COL5A2: variants seen among roughly 807,000 people sequenced by gnomAD.
The protein encoded by COL5A2 is collagen alpha-2(V) chain.
Under a neutral mutation model 208.2 loss-of-function variants are expected in COL5A2, and 23 were observed. That is an observed-to-expected ratio of 0.11 (90% CI 0.08 to 0.16). The LOEUF (loss-of-function observed/expected upper bound fraction) is 0.16, where lower values mean the gene tolerates loss of function less well. Ranked by LOEUF, COL5A2 falls within the 10% of genes least tolerant of loss-of-function variation. COL5A2 has a pLI of 1.00. For missense variants in COL5A2, 1,590 were observed against 1,956.4 expected (o/e 0.81, Z 3.53); for synonymous variants, 625 against 628.5 (o/e 0.99, Z 0.08).
rs186201057 is a variant in COL5A2, at chr2:189,077,128, G to C, written c.1059+1388C>G. On this transcript the variant is annotated intron_variant, in intron 16 of 53. Transcript: ENST00000374866. ...GGTCCATCTAAAGTCACTTGGCCTA[G>C]AGAAGTGGCCCATTCCCCCCATTAA... Among the ~76,000 whole-genome samples, 479 of 152,192 alleles carry C rather than the reference G, an allele frequency of 3.1e-3. 5 individuals carry two copies. Among genetic ancestry groups the C allele is most frequent in the Admixed American group, 0.028 (431 of 15,268 alleles).
At chr2:189,113,410 G>C (rs887214557) in intron 1 of COL5A2, among the ~76,000 whole-genome samples, 1 of 151,988 alleles carries the variant, frequency 6.6e-6, no homozygotes, top group African/African-American at 2.4e-5. Context: ...TCCATCTTGA[G>C]CAACAGAGTG....
chr2:189,117,667 C>CA (rs1687419684), intron 1 of COL5A2, among the ~76,000 whole-genome samples: 1 of 151,846 alleles, frequency 6.6e-6, no homozygotes, highest in Non-Finnish European at 1.5e-5. Flanking sequence ...GTCACCTTAC[C>CA]AAAAAAATTG....
rs548766698 is a variant in COL5A2, at chr2:189,046,233, T to C, written c.3202-326A>G. On this transcript the variant is annotated intron_variant, in intron 45 of 53. Transcript: ENST00000374866. ...AGCACCAATCTTTAAGCTGGAATAT[T>C]GGTATACTTGGAATACACAAAGACT... 3.9e-5 allele frequency among the ~76,000 whole-genome samples: 6 copies of C among 152,286 alleles called. No homozygotes were observed. The East Asian group carries it at 1.2e-3, about 29-fold the overall frequency.
chr2:189,351,983 T>C, the COL5A2 span, among the ~76,000 whole-genome samples: 2 of 148,070 alleles, frequency 1.4e-5, no homozygotes, highest in African/African-American at 2.5e-5. Flanking sequence ...ACAGGCCCAG[T>C]GTGTGATGCT....
At chr2:189,239,191 T>C in the COL5A2 span, among the ~76,000 whole-genome samples, 2 of 152,050 alleles carry the variant, frequency 1.3e-5, no homozygotes, top group African/African-American at 2.4e-5. Context: ...TTCTGATTTT[T>C]TAAAGAGACT....
At chr2:189,203,295 C>T (rs1689101121) in intron 1 of COL5A2, among the ~76,000 whole-genome samples, 1 of 152,156 alleles carries the variant, frequency 6.6e-6, no homozygotes, top group South Asian at 2.1e-4. Context: ...CACCAGAACT[C>T]TAACTTATAA....
intron 11 of COL5A2, among the ~76,000 whole-genome samples, chr2:189,084,829 C>T (rs1490308648): frequency 6.6e-6 from 1 of 152,108 alleles, no homozygotes; most frequent in Non-Finnish European, 1.5e-5. Context: ...ATCAGAGCAA[C>T]ATATTTTTTC....
At chr2:189,188,685 G>A (rs1688884364) in intron 1 of COL5A2, among the ~76,000 whole-genome samples, 1 of 152,182 alleles carries the variant, frequency 6.6e-6, no homozygotes, top group African/African-American at 2.4e-5. Context: ...TAAGAAATGA[G>A]TGTGCTATGC....
At position 189,078,527 on chromosome 2, in the gene COL5A2, G is replaced by A. The variant is rs769039275; in HGVS notation, c.1048C>T (p.Gln350Ter). Reference protein sequence around the residue: ...MPGERGRLGPQGAPGQRGAHG... With the variant: ...MPGERGRLGP ...GCAGATATACTTACAGGAGCACCCT[G>A]TGGCCCAAGTCTCCCTCTCTCTCCT... Residue 350 changes from glutamine to a stop codon, truncating the protein, a stop_gained, in exon 16 of 54, where the codon CAG (glutamine) becomes TAG (stop). Transcript: ENST00000374866. LOFTEE classifies it high-confidence loss of function. 6.2e-7 allele frequency: 1 copy of A among 1,611,816 alleles called. No homozygotes were observed. Among genetic ancestry groups the A allele is most frequent in the African/African-American group, 1.3e-5 (1 of 74,844 alleles).
At chr2:189,246,848 T>C in the COL5A2 span, among the ~76,000 whole-genome samples, 1 of 152,142 alleles carries the variant, frequency 6.6e-6, no homozygotes, top group East Asian at 1.9e-4. Flanking sequence ...CCTGAAGAAG[T>C]GTTTGAAGCC....
chr2:189,068,864 C>A lies in COL5A2; in HGVS notation c.1179G>T (p.Gly393=). 3 of 1,612,814 alleles carry A rather than the reference C, an allele frequency of 1.9e-6. No homozygotes were observed. Among genetic ancestry groups the A allele is most frequent in the African/African-American group, 1.3e-5 (1 of 74,980 alleles). Reference sequence around the variant, plus strand: ...CCTGAGGACCTTCAGGGCCTCGCGCCCCTGTAGGACCTGCTTCTCCCTAAA... The same window carrying A: ...CCTGAGGACCTTCAGGGCCTCGCGCACCTGTAGGACCTGCTTCTCCCTAAA... ...PGMKGEAGPT[G]ARGPEGPQGQ... Residue 393 remains glycine, a synonymous_variant, in exon 19 of 54, where the codon GGG becomes GGT. Coordinates refer to ENST00000374866, the MANE Select transcript of COL5A2 (RefSeq NM_000393.5).
At chr2:189,330,042 A>G in the COL5A2 span, among the ~76,000 whole-genome samples, 1 of 152,236 alleles carries the variant, frequency 6.6e-6, no homozygotes, top group Non-Finnish European at 1.5e-5. Context: ...AACTTTTAAC[A>G]GTACTGTGTG....
chr2:189,329,237 C>T, the COL5A2 span, among the ~76,000 whole-genome samples: 1 of 152,146 alleles, frequency 6.6e-6, no homozygotes. Context: ...AAGACAAATA[C>T]TGCACGATCT....
chr2:189,049,308 A>C, intron 44 of COL5A2, 39 bp downstream of exon 44: 2 of 1,368,270 alleles, frequency 1.5e-6, no homozygotes, highest in Non-Finnish European at 2.1e-6. Context: ...CCATGACACC[A>C]GATAACAAGA....
chr2:189,274,091 A>G, the COL5A2 span, among the ~76,000 whole-genome samples: 1 of 152,160 alleles, frequency 6.6e-6, no homozygotes, highest in Non-Finnish European at 1.5e-5. Flanking sequence ...CATATTTCAA[A>G]ACATCATTTT....
the COL5A2 span, among the ~76,000 whole-genome samples, chr2:189,310,138 T>C: frequency 7.9e-5 from 12 of 152,326 alleles, no homozygotes; most frequent in African/African-American, 2.9e-4. Context: ...TATTAATAAA[T>C]GATTTTTTAA....
intron 1 of COL5A2, among the ~76,000 whole-genome samples, chr2:189,146,668 A>G (rs918132980): frequency 6.6e-6 from 1 of 152,210 alleles, no homozygotes; most frequent in African/African-American, 2.4e-5. Flanking sequence ...GTAAAAAGAA[A>G]TAGTTTAAAA....
At chr2:189,250,609 C>T in the COL5A2 span, among the ~76,000 whole-genome samples, 1 of 151,984 alleles carries the variant, frequency 6.6e-6, no homozygotes, top group African/African-American at 2.4e-5. Flanking sequence ...TACTTTCTTC[C>T]TTCATTGGGG....
intron 1 of COL5A2, among the ~76,000 whole-genome samples, chr2:189,164,197 A>G (rs1688422798): frequency 6.6e-6 from 1 of 152,192 alleles, no homozygotes; most frequent in Admixed American, 6.5e-5. Context: ...CATGCTACAA[A>G]CAGGCTTTTA....
Sources: gnomAD v4.1 joint callset for allele counts (sites outside exome capture counted in the v4.1 genomes callset) on GRCh38, gnomAD v4.1.1 for gene constraint, MANE v1.5 for transcripts, NCBI Gene and HGNC (gene_info 2026-07-23, HGNC 2026-07-21) for gene names.